Variants in CNOT2 observed in about 807,000 individuals in gnomAD.
The protein encoded by CNOT2 is CCR4-NOT transcription complex subunit 2.
A neutral mutation model predicts 72.1 loss-of-function variants in CNOT2; 7 were observed. The ratio of observed to expected loss-of-function variants is 0.10; its 90% CI spans 0.06 to 0.18. The LOEUF (loss-of-function observed/expected upper bound fraction) is 0.18, where lower values mean the gene tolerates loss of function less well. CNOT2 is among the 10% of genes least tolerant of loss of function. The pLI is 1.00. For missense variants in CNOT2, 345 were observed against 660.3 expected, an observed-to-expected ratio of 0.52 and a Z score of 5.23; for synonymous variants, 196 against 225.6, an observed-to-expected ratio of 0.87 and a Z score of 1.17.
intron 2 of CNOT2, among the ~76,000 whole-genome samples, chr12:70,307,270 A>T (rs969641344): frequency 6.6e-6 from 1 of 152,204 alleles, no homozygotes; most frequent in African/African-American, 2.4e-5. Flanking sequence ...TTAATTTTTT[A>T]AAATCTTTTG....
intron 11 of CNOT2, among the ~76,000 whole-genome samples, chr12:70,341,177 C>T (rs1263034798): frequency 1.3e-5 from 2 of 152,016 alleles, no homozygotes. Flanking sequence ...TGAGCCACCG[C>T]GCTTGACCAG....
chr12:70,353,799 A>T, intron 15 of CNOT2, 30 bp from the exon 16 acceptor site: 1 of 1,595,832 alleles, frequency 6.3e-7, no homozygotes, highest in South Asian at 1.2e-5. Context: ...AAAGGGGAAG[A>T]TATCTAAATT....
intron 1 of CNOT2, among the ~76,000 whole-genome samples, chr12:70,263,892 C>G (rs1429454881): frequency 6.6e-6 from 1 of 152,034 alleles, no homozygotes; most frequent in Admixed American, 6.6e-5. Flanking sequence ...ATATTTCTTG[C>G]CGTGTGAAGT....
chr12:70,258,117 T>C (rs1199568140), intron 1 of CNOT2, among the ~76,000 whole-genome samples: 1 of 152,220 alleles, frequency 6.6e-6, no homozygotes, highest in African/African-American at 2.4e-5. Context: ...ATGTTTTTCA[T>C]TCTTACTAAT....
At chr12:70,243,311 C>T (rs755330791), upstream of CNOT2, 1 of 152,664 alleles carries the variant, frequency 6.6e-6, no homozygotes, top group Non-Finnish European at 1.5e-5. Context: ...TGCCTACCCA[C>T]CCCATCGCTG....
chr12:70,265,641 C>A (rs1480436207), intron 1 of CNOT2, among the ~76,000 whole-genome samples: 1 of 151,072 alleles, frequency 6.6e-6, no homozygotes, highest in Non-Finnish European at 1.5e-5. Flanking sequence ...GTGTTTTTTC[C>A]TCTCATCTTT....
At chr12:70,331,157 G>A (rs546542029) in intron 6 of CNOT2, 1 of 151,854 alleles carries the variant, frequency 6.6e-6, no homozygotes, top group Non-Finnish European at 1.5e-5. Context: ...GTATATATAT[G>A]TATTTTTTAA....
chr12:70,294,915 A>G (rs1474100489), intron 2 of CNOT2, among the ~76,000 whole-genome samples: 2 of 152,194 alleles, frequency 1.3e-5, no homozygotes, highest in East Asian at 1.9e-4. Context: ...TGTTGAACGA[A>G]TGAATAAACT....
At chr12:70,320,155 A>C (rs960837891) in intron 4 of CNOT2, among the ~76,000 whole-genome samples, 2 of 151,682 alleles carry the variant, frequency 1.3e-5, no homozygotes, top group African/African-American at 4.8e-5. Flanking sequence ...TAATAGAAGA[A>C]GGGAATTAAA....
chr12:70,301,073 A>G (rs902182845), intron 2 of CNOT2, among the ~76,000 whole-genome samples: 3 of 152,206 alleles, frequency 2.0e-5, no homozygotes, highest in Non-Finnish European at 4.4e-5. Flanking sequence ...TTGATCTTGT[A>G]TCCCGAGACT....
At chr12:70,265,093 AT>A (rs772829957) in intron 1 of CNOT2, among the ~76,000 whole-genome samples, 9 of 150,678 alleles carry the variant, frequency 6.0e-5, no homozygotes, top group East Asian at 3.9e-4. Context: ...TTGGTCTTTA[AT>A]TTTTTTTTGT....
intron 1 of CNOT2, chr12:70,243,772 C>G (rs932089827): frequency 1.3e-5 from 2 of 152,402 alleles, no homozygotes; most frequent in African/African-American, 2.4e-5. Context: ...GCCGCTGCAG[C>G]AGCAGCAGCT....
chr12:70,311,096 C>T (rs1448587031), intron 3 of CNOT2, 79 bp downstream of exon 3: 5 of 958,780 alleles, frequency 5.2e-6, no homozygotes, highest in Non-Finnish European at 8.1e-6. Flanking sequence ...ATATCAAGTG[C>T]AGAATACTGT....
chr12:70,279,068 T>C lies in CNOT2; in HGVS notation c.48+794T>C, dbSNP rs138346898. 5.2e-3 allele frequency among the ~76,000 whole-genome samples: 787 copies of C among 152,346 alleles called. 8 individuals are homozygous for C. Among genetic ancestry groups the C allele is most frequent in the African/African-American group, 0.017 (706 of 41,590 alleles). On this transcript the variant is annotated intron_variant, in intron 2 of 15. Transcript: ENST00000229195. ...TAAAGTTTGAGTACAAATAAACTTT[T>C]AGGCTTCCTGCACAGATATGTGTCC... is the stretch of plus-strand genomic sequence containing the variant.
chr12:70,306,800 A>G (rs1052108815), intron 2 of CNOT2, among the ~76,000 whole-genome samples: 1 of 152,250 alleles, frequency 6.6e-6, no homozygotes, highest in South Asian at 2.1e-4. Flanking sequence ...AACTACAGCC[A>G]TAACAATGGG....
intron 1 of CNOT2, among the ~76,000 whole-genome samples, chr12:70,261,305 C>CTTTTTTTTTTTTTTTTTT (rs71437141): frequency 1.4e-4 from 6 of 43,350 alleles, no homozygotes; most frequent in South Asian, 2.7e-3. Flanking sequence ...TTCTTTCTTT[C>CTTTTTTTTTTTTTTTTTT]TTTTTTTTTT....
chr12:70,261,431 C>T (rs999580415), intron 1 of CNOT2, among the ~76,000 whole-genome samples: 4 of 149,168 alleles, frequency 2.7e-5, no homozygotes, highest in Non-Finnish European at 4.4e-5. Context: ...TCTCCTGCCT[C>T]GGCCTCCTGA....
chr12:70,295,986 A>G (rs1464659020), intron 2 of CNOT2, among the ~76,000 whole-genome samples: 1 of 152,156 alleles, frequency 6.6e-6, no homozygotes, highest in African/African-American at 2.4e-5. Context: ...CATTTTGGTA[A>G]CACTCCCTAG....
At chr12:70,304,021 G>A (rs1486959004) in intron 2 of CNOT2, among the ~76,000 whole-genome samples, 2 of 152,026 alleles carry the variant, frequency 1.3e-5, no homozygotes, top group South Asian at 2.1e-4. Context: ...TTGTGCATTC[G>A]TCACGTTCTC....
Sources: allele counts gnomAD v4.1 joint callset (sites outside exome capture counted in the v4.1 genomes callset), GRCh38; gene constraint gnomAD v4.1.1; transcripts MANE v1.5; gene names NCBI Gene and HGNC (gene_info 2026-07-23, HGNC 2026-07-21).